VTI1A: variants seen among roughly 807,000 people sequenced by gnomAD.
VTI1A encodes vesicle transport through interaction with t-SNAREs 1A.
Under a neutral mutation model 34.9 loss-of-function variants are expected in VTI1A, and 22 were observed. The observed-to-expected ratio is 0.63, with a 90% CI of 0.45 to 0.90. VTI1A has a LOEUF of 0.90. VTI1A is among the 40% of genes least tolerant of loss of function. The pLI is 0.00. For synonymous variants in VTI1A, 87 were observed against 97.3 expected, an observed-to-expected ratio of 0.89 and a Z score of 0.62; for missense variants, 268 against 275.6, an observed-to-expected ratio of 0.97 and a Z score of 0.20.
chr10:112,688,071 A>G (rs1366529090), intron 7 of VTI1A, among the ~76,000 whole-genome samples: 1 of 150,000 alleles, frequency 6.7e-6, no homozygotes, highest in Non-Finnish European at 1.5e-5. Flanking sequence ...CTCCTGCCTC[A>G]GCCTCCCAAG....
chr10:112,485,913 AC>A (rs903290432), intron 3 of VTI1A, among the ~76,000 whole-genome samples: 2 of 152,120 alleles, frequency 1.3e-5, no homozygotes, highest in African/African-American at 4.8e-5. Context: ...AATGATTGCA[AC>A]TGCAGAGATG....
intron 7 of VTI1A, among the ~76,000 whole-genome samples, chr10:112,731,490 G>A (rs1281949693): frequency 5.3e-5 from 8 of 151,508 alleles, no homozygotes; most frequent in Admixed American, 5.3e-4. Context: ...CAGGAGAATC[G>A]CTTGAACCTG....
At chr10:112,854,596 TC>T in the VTI1A span, among the ~76,000 whole-genome samples, 1 of 152,102 alleles carries the variant, frequency 6.6e-6, no homozygotes, top group South Asian at 2.1e-4. Flanking sequence ...CCGTCTCATT[TC>T]CCCTCTGTTT....
intron 5 of VTI1A, among the ~76,000 whole-genome samples, chr10:112,625,697 G>T (rs1017215835): frequency 1.3e-5 from 2 of 150,328 alleles, no homozygotes; most frequent in East Asian, 3.9e-4. Flanking sequence ...TAGGAGCTAG[G>T]CTGTGAGGAT....
At chr10:112,624,555 A>T (rs7076446) in intron 5 of VTI1A, among the ~76,000 whole-genome samples, 103,002 of 151,872 alleles carry the variant, frequency 0.68, 35,545 homozygotes, top group African/African-American at 0.78. Context: ...TGTTTTTTTT[A>T]AAAAAAGTTC....
At chr10:112,495,971 G>A (rs1849001362) in intron 3 of VTI1A, among the ~76,000 whole-genome samples, 1 of 152,168 alleles carries the variant, frequency 6.6e-6, no homozygotes, top group Non-Finnish European at 1.5e-5. Flanking sequence ...ACATAAAAAA[G>A]TATCTATTAG....
chr10:112,582,288 C>T (rs1228937930), intron 5 of VTI1A, among the ~76,000 whole-genome samples: 2 of 152,134 alleles, frequency 1.3e-5, no homozygotes, highest in Non-Finnish European at 2.9e-5. Context: ...TCATGACCTC[C>T]CCAGTGTGCA....
rs1455114072 is a variant in VTI1A at position 112,543,663 on chromosome 10, T to G, written c.427+5333T>G. ...ACTCTGATGATAGTTTCTTTTGCTG[T>G]GCAGAAGCTCTTTAGCTTAATTAGA... On this transcript the variant is annotated intron_variant, in intron 5 of 7. Coordinates refer to ENST00000393077, the MANE Select transcript of VTI1A (RefSeq NM_145206.4). Among the ~76,000 whole-genome samples the G allele has an allele frequency of 1.0e-4, 16 of 152,384 alleles. No individual in the cohort carries two copies. The East Asian group carries it at 3.1e-3, about 29-fold the overall frequency.
chr10:112,460,555 G>A lies in VTI1A; in HGVS notation c.126G>A (p.Glu42=). The stretch of plus-strand genomic sequence containing the variant: ...AGAAACAGATGGTTGCAAATGTGGA[G>A]AAACAGCTTGAAGAAGCGAAAGAAC... ...DEKKQMVANV[E]KQLEEAKELL... is the part of the protein sequence containing the mutation. The change falls in exon 2 of 8, where the codon GAG becomes GAA. Residue 42 remains glutamate, a synonymous_variant. Coordinates refer to ENST00000393077, the MANE Select transcript of VTI1A (RefSeq NM_145206.4). 1 of 1,609,304 alleles carries A rather than the reference G, an allele frequency of 6.2e-7. No individual in the cohort carries two copies. Among genetic ancestry groups the A allele is most frequent in the Non-Finnish European group, 8.5e-7 (1 of 1,177,936 alleles).
chr10:112,648,434 A>G (rs1229725590), intron 5 of VTI1A, among the ~76,000 whole-genome samples: 1 of 152,214 alleles, frequency 6.6e-6, no homozygotes, highest in Non-Finnish European at 1.5e-5. Flanking sequence ...GATTTCTGAG[A>G]ACAGTTCTGG....
intron 5 of VTI1A, chr10:112,548,706 C>T: frequency 7.7e-7 from 1 of 1,293,214 alleles, no homozygotes; most frequent in South Asian, 1.2e-5. Context: ...GCTTTGATGA[C>T]ACCCACAGCA....
intron 5 of VTI1A, among the ~76,000 whole-genome samples, chr10:112,601,797 T>G (rs1457876358): frequency 2.0e-5 from 3 of 152,194 alleles, no homozygotes; most frequent in African/African-American, 7.2e-5. Flanking sequence ...TGGTCCACAT[T>G]TTATCCTTCT....
intron 3 of VTI1A, among the ~76,000 whole-genome samples, chr10:112,508,477 C>G (rs1348217266): frequency 6.6e-6 from 1 of 152,100 alleles, no homozygotes; most frequent in African/African-American, 2.4e-5. Flanking sequence ...TTTCATCCAT[C>G]TATTCTATTC....
At chr10:112,710,038 T>G (rs1348397569) in intron 7 of VTI1A, among the ~76,000 whole-genome samples, 2 of 146,750 alleles carry the variant, frequency 1.4e-5, no homozygotes, top group Non-Finnish European at 3.0e-5. Context: ...ACCTATCTCA[T>G]TCCCTCTACT....
At chr10:112,500,272 T>C (rs2134151036) in intron 3 of VTI1A, among the ~76,000 whole-genome samples, 1 of 152,018 alleles carries the variant, frequency 6.6e-6, no homozygotes, top group African/African-American at 2.4e-5. Flanking sequence ...CCGTCTCTAC[T>C]ACAAATACAA....
At chr10:112,809,450 T>C (rs1000154518) in intron 7 of VTI1A, among the ~76,000 whole-genome samples, 1 of 152,202 alleles carries the variant, frequency 6.6e-6, no homozygotes, top group Non-Finnish European at 1.5e-5. Flanking sequence ...TACTGTTCTG[T>C]CAGACCCCAA....
At chr10:112,792,744 A>C (rs970890441) in intron 7 of VTI1A, among the ~76,000 whole-genome samples, 4 of 152,160 alleles carry the variant, frequency 2.6e-5, no homozygotes, top group African/African-American at 9.7e-5. Context: ...TGAGCCTTTT[A>C]AAAGAGGGGA....
At chr10:112,558,245 G>A (rs12266418) in intron 5 of VTI1A, among the ~76,000 whole-genome samples, 19,402 of 152,102 alleles carry the variant, frequency 0.13, 1,982 homozygotes, top group East Asian at 0.27. Context: ...TGAAAATCCA[G>A]TAGTATTTAC....
chr10:112,792,529 C>T (rs1852519632), intron 7 of VTI1A, among the ~76,000 whole-genome samples: 2 of 152,166 alleles, frequency 1.3e-5, no homozygotes, highest in South Asian at 4.2e-4. Context: ...ACATAATCAC[C>T]CCTACACACA....
Sources: gnomAD v4.1 joint callset for allele counts (sites outside exome capture counted in the v4.1 genomes callset) on GRCh38, gnomAD v4.1.1 for gene constraint, MANE v1.5 for transcripts, NCBI Gene and HGNC (gene_info 2026-07-23, HGNC 2026-07-21) for gene names.